EBF2: variants seen among roughly 807,000 people sequenced by gnomAD.
EBF2 encodes EBF transcription factor 2, also known as transcription factor COE2.
A neutral mutation model predicts 72.8 loss-of-function variants in EBF2; 21 were observed. The observed-to-expected ratio is 0.29, with a 90% CI of 0.20 to 0.42. The LOEUF is 0.42. EBF2 is among the 10% of genes least tolerant of loss of function. The pLI is 1.00. For synonymous variants in EBF2, 299 were observed against 274.2 expected (o/e 1.09, Z -0.89); for missense variants, 637 against 731.2 (o/e 0.87, Z 1.49).
chr8:25,886,726 G>C, intron 10 of EBF2, 29 bp downstream of exon 10: 2 of 1,592,666 alleles, frequency 1.3e-6, no homozygotes, highest in Non-Finnish European at 1.7e-6. Flanking sequence ...CCAGAAGCCA[G>C]CCTCTCTTGG....
chr8:25,941,408 G>A (rs542352601), intron 6 of EBF2, among the ~76,000 whole-genome samples: 5 of 152,150 alleles, frequency 3.3e-5, no homozygotes, highest in African/African-American at 9.6e-5. Context: ...GTTTTGCCAC[G>A]TTCGTCAGGC....
intron 10 of EBF2, among the ~76,000 whole-genome samples, chr8:25,875,778 G>A (rs566977592): frequency 7.9e-5 from 12 of 152,260 alleles, no homozygotes; most frequent in Admixed American, 2.6e-4. Context: ...GCAGAACTTA[G>A]GCCTCACAAA....
At chr8:25,866,513 TATATA>T (rs1242104869) in intron 10 of EBF2, among the ~76,000 whole-genome samples, 2 of 143,686 alleles carry the variant, frequency 1.4e-5, no homozygotes, top group African/African-American at 2.5e-5. Flanking sequence ...ATATAGGACA[TATATA>T]ATATAAAAAT....
chr8:25,862,554 T>A (rs1563379655), intron 11 of EBF2, among the ~76,000 whole-genome samples, 155 bp downstream of exon 11: 1 of 152,200 alleles, frequency 6.6e-6, no homozygotes, highest in Non-Finnish European at 1.5e-5. Context: ...CCATAATATA[T>A]TTCATAGCAG....
At chr8:25,851,372 G>A (rs910491814) in intron 14 of EBF2, among the ~76,000 whole-genome samples, 6 of 144,918 alleles carry the variant, frequency 4.1e-5, no homozygotes, top group African/African-American at 1.6e-4. Context: ...ATAGCTGCAA[G>A]TCGGCCTCCC....
intron 6 of EBF2, among the ~76,000 whole-genome samples, chr8:25,941,775 C>T (rs1442520118): frequency 6.6e-6 from 1 of 152,082 alleles, no homozygotes; most frequent in East Asian, 1.9e-4. Context: ...AGGTGCTGCT[C>T]CTCCTCCTCC....
chr8:25,966,056 G>T (rs1001487318), intron 6 of EBF2, among the ~76,000 whole-genome samples: 5 of 152,216 alleles, frequency 3.3e-5, no homozygotes, highest in African/African-American at 1.2e-4. Context: ...GAAAAAAAAG[G>T]ACAGGTAACG....
chr8:26,008,992 G>C (rs924145807), intron 6 of EBF2, among the ~76,000 whole-genome samples: 2 of 150,766 alleles, frequency 1.3e-5, no homozygotes, highest in Non-Finnish European at 2.9e-5. Context: ...AATTTTGATT[G>C]CTTATATATT....
rs548147336 is a variant in EBF2 at position 25,958,878 on chromosome 8, C to T, written c.552-50323G>A. Among the ~76,000 whole-genome samples, 4 of 152,330 alleles carry T rather than the reference C, an allele frequency of 2.6e-5. No homozygotes were observed. The East Asian group carries it at 7.7e-4, about 29-fold the overall frequency. ...ATGACTTTGGTAGAATCTGAAGTAG[C>T]CTCTTTCCATTTCTTTTTGACAGGA... On this transcript the variant is annotated intron_variant, in intron 6 of 15. Coordinates refer to ENST00000520164, the MANE Select transcript of EBF2 (RefSeq NM_022659.4).
At chr8:25,890,285 A>G (rs1198705593) in intron 7 of EBF2, among the ~76,000 whole-genome samples, 2 of 152,232 alleles carry the variant, frequency 1.3e-5, no homozygotes, top group African/African-American at 4.8e-5. Context: ...GGGTTCTTGC[A>G]CTTCAGACAG....
intron 10 of EBF2, among the ~76,000 whole-genome samples, chr8:25,876,539 G>A (rs12550487): frequency 0.014 from 2,097 of 152,154 alleles, 112 homozygotes; most frequent in Admixed American, 0.094. Flanking sequence ...CAGGTAAGGC[G>A]TCTTCTGAGA....
intron 6 of EBF2, among the ~76,000 whole-genome samples, chr8:26,005,846 A>T (rs1263044173): frequency 1.4e-5 from 2 of 140,038 alleles, no homozygotes; most frequent in Non-Finnish European, 3.1e-5. Context: ...AAAAAAAAAA[A>T]GATTTTAAAA....
intron 15 of EBF2, among the ~76,000 whole-genome samples, chr8:25,847,245 G>A (rs1363188371): frequency 6.6e-6 from 1 of 152,118 alleles, no homozygotes; most frequent in Non-Finnish European, 1.5e-5. Context: ...GAAGTCTAGA[G>A]AAGGGCCCCT....
chr8:25,995,161 C>T (rs1427934013), intron 6 of EBF2, among the ~76,000 whole-genome samples: 1 of 151,876 alleles, frequency 6.6e-6, no homozygotes, highest in Non-Finnish European at 1.5e-5. Context: ...CAAACATTAG[C>T]CAGGCGTGGT....
At chr8:26,019,974 A>G (rs556149614) in intron 6 of EBF2, among the ~76,000 whole-genome samples, 48 of 152,262 alleles carry the variant, frequency 3.2e-4, no homozygotes, top group African/African-American at 1.0e-3. Context: ...GGAAGAGTTC[A>G]GGGGGCTCAA....
chr8:25,929,812 C>T (rs114829522), intron 6 of EBF2, among the ~76,000 whole-genome samples: 211 of 152,014 alleles, frequency 1.4e-3, no homozygotes, highest in African/African-American at 4.6e-3. Flanking sequence ...GGCACAGATC[C>T]GGGTATCAGT....
chr8:25,943,128 T>A (rs1428667840), intron 6 of EBF2, among the ~76,000 whole-genome samples: 1 of 152,004 alleles, frequency 6.6e-6, no homozygotes, highest in Non-Finnish European at 1.5e-5. Context: ...GGAACAAAAT[T>A]GTTAAACTAG....
chr8:25,980,909 CCT>C (rs1187456268), intron 6 of EBF2, among the ~76,000 whole-genome samples: 29 of 398 alleles, frequency 0.073, no homozygotes, highest in Admixed American at 0.35. Flanking sequence ...GGGGTGACCC[CCT>C]TCACCCCTGG....
intron 10 of EBF2, among the ~76,000 whole-genome samples, chr8:25,866,550 AT>A (rs994245305): frequency 7.1e-6 from 1 of 140,736 alleles, no homozygotes; most frequent in South Asian, 2.1e-4. Flanking sequence ...ATTATATGTA[AT>A]TTTTATGTAT....
Sources: allele counts gnomAD v4.1 joint callset (sites outside exome capture counted in the v4.1 genomes callset), GRCh38; gene constraint gnomAD v4.1.1; transcripts MANE v1.5; gene names NCBI Gene and HGNC (gene_info 2026-07-23, HGNC 2026-07-21).